WIPF1: variants seen among roughly 807,000 people sequenced by gnomAD.
WIPF1 encodes the protein WAS/WASL interacting protein family member 1.
A neutral mutation model predicts 35.4 loss-of-function variants in WIPF1; 13 were observed. That is an observed-to-expected ratio of 0.37 (90% CI 0.24 to 0.58). The LOEUF (loss-of-function observed/expected upper bound fraction) is 0.58. Ranked by LOEUF, WIPF1 falls within the 20% of genes least tolerant of loss-of-function variation. The pLI, the probability that WIPF1 is intolerant of heterozygous loss-of-function variation, is 0.74. For missense variants in WIPF1, 591 were observed against 667.0 expected, an observed-to-expected ratio of 0.89 and a Z score of 1.25; for synonymous variants, 267 against 266.3, an observed-to-expected ratio of 1.00 and a Z score of -0.02.
intron 5 of WIPF1, 42 bp from the exon 6 acceptor site, chr2:174,568,115 C>T: frequency 6.3e-7 from 1 of 1,578,280 alleles, no homozygotes; most frequent in Non-Finnish European, 8.6e-7. Flanking sequence ...CTTACATCCA[C>T]ATTCCATTAC....
At chr2:174,672,517 C>T (rs2105988553) in intron 1 of WIPF1, among the ~76,000 whole-genome samples, 1 of 152,362 alleles carries the variant, frequency 6.6e-6, no homozygotes, top group South Asian at 2.1e-4. Context: ...ATATATTATA[C>T]ATACACTATT....
chr2:174,648,107 T>TA (rs1209414328), intron 1 of WIPF1, among the ~76,000 whole-genome samples: 6 of 152,252 alleles, frequency 3.9e-5, no homozygotes, highest in African/African-American at 1.2e-4. Flanking sequence ...CAGGCTGACT[T>TA]ACATGATTCT....
intron 1 of WIPF1, among the ~76,000 whole-genome samples, chr2:174,662,106 G>T (rs1295179207): frequency 6.6e-6 from 1 of 152,148 alleles, no homozygotes; most frequent in Non-Finnish European, 1.5e-5. Flanking sequence ...ATCCTTGGGT[G>T]TTCAAGTCCC....
intron 1 of WIPF1, among the ~76,000 whole-genome samples, chr2:174,636,159 G>C (rs546891574): frequency 2.6e-5 from 4 of 152,188 alleles, no homozygotes; most frequent in Non-Finnish European, 5.9e-5. Flanking sequence ...GAAAAATGAT[G>C]ATGACTCAAT....
intron 3 of WIPF1, among the ~76,000 whole-genome samples, chr2:174,580,800 A>C (rs1236661117): frequency 6.6e-6 from 1 of 152,196 alleles, no homozygotes; most frequent in East Asian, 1.9e-4. Context: ...CTTACACTTG[A>C]ATTACACTTT....
intron 1 of WIPF1, among the ~76,000 whole-genome samples, chr2:174,652,539 A>AT (rs1263293521): frequency 1.3e-5 from 2 of 152,128 alleles, no homozygotes; most frequent in African/African-American, 4.8e-5. Context: ...TCCTTTGGTG[A>AT]TTTTTCCCAT....
At chr2:174,619,188 A>G (rs1686603719) in intron 1 of WIPF1, among the ~76,000 whole-genome samples, 1 of 152,182 alleles carries the variant, frequency 6.6e-6, no homozygotes, top group South Asian at 2.1e-4. Context: ...GGCTCAAGCA[A>G]TCCTCCCACC....
chr2:174,678,765 C>A (rs1344926362), intron 1 of WIPF1, among the ~76,000 whole-genome samples: 1 of 152,244 alleles, frequency 6.6e-6, no homozygotes, highest in East Asian at 1.9e-4. Flanking sequence ...CAGACAACCT[C>A]AACAGAGTAG....
chr2:174,576,249 A>C (rs996667251), intron 3 of WIPF1, among the ~76,000 whole-genome samples: 1 of 149,702 alleles, frequency 6.7e-6, no homozygotes, highest in Admixed American at 6.6e-5. Flanking sequence ...AAAAAAAAAA[A>C]CACTAAGCAA....
chr2:174,571,088 G>T lies in WIPF1; in HGVS notation c.1129+588C>A, dbSNP rs903090668. ...GCAGGCAAATTTTGAGTTTATGCCTGAGTATTTTTGTAAAGATAGTCTATA... is the reference window on the plus strand; with the variant it reads ...GCAGGCAAATTTTGAGTTTATGCCTTAGTATTTTTGTAAAGATAGTCTATA... On this transcript the variant is annotated intron_variant, in intron 5 of 7. Transcript: ENST00000679041. This position sits in a 1 kb window ranked among gnomAD's most constrained non-coding sequence, Gnocchi z 4.6. 2.5e-5 allele frequency: 4 copies of T among 158,772 alleles called. No individual in the cohort carries two copies. The highest frequency in any genetic ancestry group is 5.9e-5 in the Admixed American group (1 of 16,932). 9.8% of individuals were successfully genotyped at this position (158,772 alleles called of 1,614,324 possible).
intron 1 of WIPF1, among the ~76,000 whole-genome samples, chr2:174,653,901 TGCTACTCACATATTTATCAGAGAAA>T (rs1687591811): frequency 6.6e-6 from 1 of 152,130 alleles, no homozygotes; most frequent in Non-Finnish European, 1.5e-5. Context: ...ATCAGCAAGG[TGCTACTCACATATTTATCAGAGAAA>T]GCACAAGTCA....
intron 7 of WIPF1, among the ~76,000 whole-genome samples, chr2:174,564,810 C>T (rs11688395): frequency 8.3e-6 from 1 of 120,880 alleles, no homozygotes; most frequent in Non-Finnish European, 1.7e-5. Context: ...AGCCCTTCTT[C>T]TGGTGCACAC....
At chr2:174,647,807 T>TA (rs1447251349) in intron 1 of WIPF1, among the ~76,000 whole-genome samples, 5 of 152,310 alleles carry the variant, frequency 3.3e-5, no homozygotes, top group African/African-American at 1.2e-4. Flanking sequence ...AAAAGGTGGC[T>TA]ACAAAGAATT....
upstream of WIPF1, among the ~76,000 whole-genome samples, chr2:174,602,113 T>C (rs539517464): frequency 2.0e-5 from 3 of 152,352 alleles, no homozygotes; most frequent in South Asian, 6.2e-4. Context: ...TGCGTATCTC[T>C]TTCCCATTTA....
At chr2:174,607,118 G>A (rs1686192540) in intron 1 of WIPF1, among the ~76,000 whole-genome samples, 1 of 152,164 alleles carries the variant, frequency 6.6e-6, no homozygotes. Context: ...TAAGGGCAGA[G>A]CACTCAGGAC....
chr2:174,561,683 C>A lies in WIPF1; in HGVS notation c.*864G>T. On this transcript the variant is annotated 3_prime_UTR_variant, in exon 8 of 8. Transcript: ENST00000679041. The stretch of plus-strand genomic sequence containing the variant: ...TGGGTCCTAATTTTATTTTTAGTTG[C>A]CTCTTGAATCGCTCAAGCCCATCTT... The A allele has an allele frequency of 6.1e-6, 1 of 164,692 alleles. No individual in the cohort carries two copies. The highest frequency in any genetic ancestry group is 1.3e-5 in the Non-Finnish European group (1 of 74,878). The allele number at this position is 164,692 out of a possible 1,614,324, so 10.2% of individuals were successfully genotyped here. A position where few individuals can be genotyped will look rare whatever the true frequency, so the allele number is the denominator to read the frequency against.
At chr2:174,585,225 C>T (rs1180186866) in intron 2 of WIPF1, among the ~76,000 whole-genome samples, 6 of 152,198 alleles carry the variant, frequency 3.9e-5, no homozygotes, top group Admixed American at 2.0e-4. Flanking sequence ...CAGAACTGAT[C>T]CTGCAAACCC....
At chr2:174,627,215 AT>A (rs1162453495) in intron 1 of WIPF1, among the ~76,000 whole-genome samples, 1 of 152,098 alleles carries the variant, frequency 6.6e-6, no homozygotes, top group East Asian at 1.9e-4. Context: ...TAAATTCCTA[AT>A]ATACATCACC....
chr2:174,640,739 C>A (rs1664046197), intron 1 of WIPF1, among the ~76,000 whole-genome samples: 1 of 151,676 alleles, frequency 6.6e-6, no homozygotes, highest in African/African-American at 2.4e-5. Flanking sequence ...TAAGGTATAT[C>A]TCCTAATGCT....
Sources: gnomAD v4.1 joint callset for allele counts (sites outside exome capture counted in the v4.1 genomes callset) on GRCh38, gnomAD v4.1.1 for gene constraint, Gnocchi (gnomAD v3.1) non-coding constraint, MANE v1.5 for transcripts, NCBI Gene and HGNC (gene_info 2026-07-23, HGNC 2026-07-21) for gene names.